The following PRDM11 variants were observed in gnomAD, a reference collection of about 807,000 sequenced individuals.
The protein encoded by PRDM11 is PR/SET domain 11, also known as PR domain-containing protein 11.
A neutral mutation model predicts 97.8 loss-of-function variants in PRDM11; 20 were observed. That is an observed-to-expected ratio of 0.20 (90% CI 0.14 to 0.30). The LOEUF is 0.30. PRDM11 is among the 10% of genes least tolerant of loss of function. The probability of loss-of-function intolerance (pLI) is 1.00; values close to 1 mark genes in which losing one functional copy is unlikely to be tolerated. For synonymous variants in PRDM11, 599 were observed against 637.7 expected (o/e 0.94, Z 0.91); for missense variants, 1,139 against 1,555.2 (o/e 0.73, Z 4.50).
chr11:45,208,827 T>G (rs1590448603), intron 5 of PRDM11: 1 of 387,574 alleles, frequency 2.6e-6, no homozygotes, highest in Non-Finnish European at 5.3e-6. Context: ...ACCACCTGCA[T>G]TGACGGTCAT....
intron 1 of PRDM11, among the ~76,000 whole-genome samples, chr11:45,109,976 C>T (rs1354530668): frequency 6.6e-6 from 1 of 152,190 alleles, no homozygotes; most frequent in African/African-American, 2.4e-5. Context: ...AGGTGGGCAT[C>T]TGTGCCCTGT....
intron 1 of PRDM11, among the ~76,000 whole-genome samples, chr11:45,130,974 T>A (rs1852705969): frequency 6.6e-6 from 1 of 152,146 alleles, no homozygotes; most frequent in Admixed American, 6.5e-5. Context: ...CAGCTTTGTT[T>A]AAAATAGCCA....
chr11:45,225,083 G>T, intron 7 of PRDM11: 3 of 1,436,338 alleles, frequency 2.1e-6, no homozygotes, highest in South Asian at 3.0e-5. Context: ...AGGAAGTTCC[G>T]CTGCAGAAGG....
intron 2 of PRDM11, 128 bp downstream of exon 2, chr11:45,182,013 T>C: frequency 1.1e-6 from 1 of 902,540 alleles, no homozygotes; most frequent in Non-Finnish European, 1.7e-6. Flanking sequence ...TCCCGGCAGC[T>C]CCTGGGCGCA....
intron 1 of PRDM11, among the ~76,000 whole-genome samples, chr11:45,177,582 A>G (rs1852360005): frequency 6.6e-6 from 1 of 152,064 alleles, no homozygotes; most frequent in Non-Finnish European, 1.5e-5. Flanking sequence ...CACAAGCACA[A>G]AAGTCTGTCT....
intron 5 of PRDM11, among the ~76,000 whole-genome samples, chr11:45,212,158 T>C (rs1853763881): frequency 1.3e-5 from 2 of 152,230 alleles, no homozygotes; most frequent in South Asian, 4.1e-4. Flanking sequence ...AACTGACTGC[T>C]GAGGTCAGGA....
chr11:45,159,590 G>A (rs1442664938), intron 1 of PRDM11, among the ~76,000 whole-genome samples: 5 of 152,146 alleles, frequency 3.3e-5, no homozygotes, highest in Non-Finnish European at 7.3e-5. Flanking sequence ...GACTCTCCTC[G>A]TGACCACATA....
intron 1 of PRDM11, among the ~76,000 whole-genome samples, chr11:45,099,980 A>G (rs1851944814): frequency 6.6e-6 from 1 of 152,186 alleles, no homozygotes; most frequent in African/African-American, 2.4e-5. Context: ...ATGGGATGGG[A>G]GAAGAATTGA....
chr11:45,102,479 C>T (rs147966581), intron 1 of PRDM11, among the ~76,000 whole-genome samples: 98 of 152,298 alleles, frequency 6.4e-4, no homozygotes, highest in Middle Eastern at 3.4e-3. Flanking sequence ...AGGGGAAGCA[C>T]CCCAGCTGGG....
At chr11:45,160,134 G>A (rs72907072) in intron 1 of PRDM11, among the ~76,000 whole-genome samples, 19,436 of 152,164 alleles carry the variant, frequency 0.13, 1,506 homozygotes, top group South Asian at 0.22. Context: ...TGGGGCTCCC[G>A]AGGTTCAGAA....
chr11:45,187,763 G>A (rs578009111), intron 4 of PRDM11, among the ~76,000 whole-genome samples: 45 of 152,152 alleles, frequency 3.0e-4, no homozygotes, highest in Non-Finnish European at 5.4e-4. Flanking sequence ...TGAAGGCCTA[G>A]AGCCACCAGA....
At chr11:45,209,110 G>A (rs1274913569) in intron 5 of PRDM11, 4 of 456,584 alleles carry the variant, frequency 8.8e-6, no homozygotes, top group African/African-American at 2.0e-5. Flanking sequence ...GACATGAAAC[G>A]GAGGACCAAG....
intron 1 of PRDM11, among the ~76,000 whole-genome samples, chr11:45,179,784 C>T (rs1017642984): frequency 6.6e-6 from 1 of 152,360 alleles, no homozygotes; most frequent in African/African-American, 2.4e-5. Flanking sequence ...GTCCATAACA[C>T]CTGCCCAGGA....
chr11:45,228,645 A>T lies in PRDM11; in HGVS notation c.*486A>T, dbSNP rs1382563661. The stretch of plus-strand genomic sequence containing the variant: ...GGAGCTCCTCAGCCTCCTCATTGAC[A>T]TTCTGGTCCGGCTGAATCAGATCTC... On this transcript the variant is annotated 3_prime_UTR_variant, in exon 8 of 8. Transcript: ENST00000683152. 1 of 152,052 alleles carries T rather than the reference A, an allele frequency of 6.6e-6. No homozygotes were observed. The highest frequency in any genetic ancestry group is 1.5e-5 in the Non-Finnish European group (1 of 68,016). 9.4% of individuals were successfully genotyped at this position (152,052 alleles called of 1,614,324 possible). A position where few individuals can be genotyped will look rare whatever the true frequency, so the allele number is the denominator to read the frequency against.
intron 1 of PRDM11, among the ~76,000 whole-genome samples, chr11:45,170,233 C>G (rs1385218678): frequency 1.3e-5 from 2 of 152,016 alleles, no homozygotes; most frequent in South Asian, 2.1e-4. Context: ...ATCCCAGCTA[C>G]TAGGAAGGCT....
At chr11:45,217,382 G>A (rs1186354003) in intron 5 of PRDM11, among the ~76,000 whole-genome samples, 1 of 152,124 alleles carries the variant, frequency 6.6e-6, no homozygotes, top group Non-Finnish European at 1.5e-5. Context: ...CACTACTCAG[G>A]GATAGCGATG....
chr11:45,098,671 A>G (rs1302282279), intron 1 of PRDM11, among the ~76,000 whole-genome samples: 1 of 152,196 alleles, frequency 6.6e-6, no homozygotes, highest in Non-Finnish European at 1.5e-5. Flanking sequence ...AATTCAATTA[A>G]GTCTAGAAAG....
intron 1 of PRDM11, among the ~76,000 whole-genome samples, chr11:45,102,937 G>T (rs553109939): frequency 6.6e-6 from 1 of 152,358 alleles, no homozygotes; most frequent in East Asian, 1.9e-4. Context: ...ATGTACAGAA[G>T]AGCAGATGCA....
intron 4 of PRDM11, among the ~76,000 whole-genome samples, chr11:45,192,895 G>A (rs1852966135): frequency 6.6e-6 from 1 of 152,122 alleles, no homozygotes; most frequent in Non-Finnish European, 1.5e-5. Context: ...TCATTCTAAT[G>A]GGATAGTTGA....
Sources: allele counts gnomAD v4.1 joint callset (sites outside exome capture counted in the v4.1 genomes callset), GRCh38; gene constraint gnomAD v4.1.1; transcripts MANE v1.5; gene names NCBI Gene and HGNC (gene_info 2026-07-23, HGNC 2026-07-21).